LNX1: variants seen among roughly 807,000 people sequenced by gnomAD.
LNX1 encodes the protein E3 ubiquitin-protein ligase LNX.
In LNX1, 54 loss-of-function variants were observed where a neutral mutation model predicts 68.4. The ratio of observed to expected loss-of-function variants is 0.79; its 90% CI spans 0.63 to 0.99. LNX1 has a LOEUF of 0.99. Among genes scored for constraint, LNX1 ranks in the 50% least tolerant of loss-of-function variants. The probability of loss-of-function intolerance (pLI) is 0.00; values close to 1 mark genes in which losing one functional copy is unlikely to be tolerated. For missense variants in LNX1, 906 were observed against 926.4 expected (o/e 0.98, Z 0.29); for synonymous variants, 336 against 350.0 (o/e 0.96, Z 0.45).
At chr4:53,527,530 T>G (rs1461146115) in intron 2 of LNX1, among the ~76,000 whole-genome samples, 1 of 152,196 alleles carries the variant, frequency 6.6e-6, no homozygotes, top group Non-Finnish European at 1.5e-5. Context: ...ACTCCTTGGC[T>G]CCACTGGTTC....
intron 1 of LNX1, among the ~76,000 whole-genome samples, chr4:53,578,769 A>G (rs1731650501): frequency 6.6e-6 from 1 of 152,212 alleles, no homozygotes; most frequent in South Asian, 2.1e-4. Flanking sequence ...TGGATAAACC[A>G]AATTCTTAAT....
chr4:53,503,879 A>C (rs1476127772), intron 4 of LNX1, among the ~76,000 whole-genome samples: 3 of 152,196 alleles, frequency 2.0e-5, no homozygotes, highest in Admixed American at 2.0e-4. Context: ...CACACCTGTA[A>C]TCCTAGCACT....
At chr4:53,602,202 G>C (rs1301101355) in intron 2 of LNX1, among the ~76,000 whole-genome samples, 1 of 152,148 alleles carries the variant, frequency 6.6e-6, no homozygotes, top group Non-Finnish European at 1.5e-5. Context: ...CCAAATCTGT[G>C]ACCTTGACAT....
At chr4:53,552,168 G>A (rs763488982) in intron 2 of LNX1, among the ~76,000 whole-genome samples, 3 of 152,146 alleles carry the variant, frequency 2.0e-5, no homozygotes, top group Non-Finnish European at 2.9e-5. Flanking sequence ...GCAGCTAGTG[G>A]CACCAGTTTC....
intron 4 of LNX1, chr4:53,500,132 G>A (rs902912704): frequency 6.6e-6 from 1 of 152,244 alleles, no homozygotes; most frequent in Non-Finnish European, 1.5e-5. Context: ...AGCCAGGTCA[G>A]AACCCAGAGT....
At chr4:53,467,958 AG>A (rs1473157759) in intron 9 of LNX1, among the ~76,000 whole-genome samples, 2 of 152,250 alleles carry the variant, frequency 1.3e-5, no homozygotes, top group Non-Finnish European at 2.9e-5. Flanking sequence ...CTAGCAAGGC[AG>A]GCCAACATTC....
At chr4:53,515,604 TG>T (rs1726714776) in intron 2 of LNX1, among the ~76,000 whole-genome samples, 2 of 152,204 alleles carry the variant, frequency 1.3e-5, no homozygotes, top group Non-Finnish European at 2.9e-5. Flanking sequence ...TGATTTTATT[TG>T]CTTTGAGTTT....
intron 1 of LNX1, among the ~76,000 whole-genome samples, chr4:53,622,893 T>C (rs1256644257): frequency 6.6e-6 from 1 of 152,238 alleles, no homozygotes; most frequent in Non-Finnish European, 1.5e-5. Context: ...TCTTTCACAA[T>C]ATTATTTCTC....
chr4:53,599,534 C>G (rs1314165083), intron 2 of LNX1, among the ~76,000 whole-genome samples: 1 of 152,210 alleles, frequency 6.6e-6, no homozygotes, highest in Non-Finnish European at 1.5e-5. Flanking sequence ...TTTTATTCCT[C>G]TACTTTCTTA....
chr4:53,592,587 A>AT (rs1376184630), upstream of LNX1, among the ~76,000 whole-genome samples: 2 of 152,038 alleles, frequency 1.3e-5, no homozygotes, highest in African/African-American at 2.4e-5. Flanking sequence ...CCCAGAGAGA[A>AT]TTTTTTTTCC....
intron 2 of LNX1, chr4:53,603,774 A>G (rs1733115554): frequency 6.6e-6 from 1 of 152,178 alleles, no homozygotes; most frequent in African/African-American, 2.4e-5. Context: ...ATCACCTCCC[A>G]CCAGGCCCCA....
chr4:53,614,502 G>A (rs1733613449), intron 2 of LNX1, among the ~76,000 whole-genome samples: 2 of 152,096 alleles, frequency 1.3e-5, no homozygotes, highest in Admixed American at 1.3e-4. Context: ...GGCCTGTTAG[G>A]CAGATTTTCT....
At chr4:53,501,299 T>G (rs58628142) in intron 4 of LNX1, among the ~76,000 whole-genome samples, 12,755 of 38,596 alleles carry the variant, frequency 0.33, 1,625 homozygotes, top group South Asian at 0.53. Flanking sequence ...TTTTTTTTTT[T>G]GGGGGTGGGG....
At position 53,573,813 on chromosome 4, in the gene LNX1, A is replaced by C; in HGVS notation, c.190T>G (p.Cys64Gly). Residue 64 changes from cysteine to glycine, a missense_variant, in exon 2 of 11, where the codon TGC becomes GGC. Physicochemically the swap from Cys to Gly is radical, Grantham distance 159. Coordinates refer to ENST00000263925, the MANE Select transcript of LNX1 (RefSeq NM_001126328.3). ...TPCGHTYCTL[C>G]LTNFLVEKDF... Reference sequence around the variant, plus strand: ...TTCTCCACCAGGAAGTTGGTGAGGCAGAGGGTGCAGTAGGTGTGTCCACAC... The same window carrying C: ...TTCTCCACCAGGAAGTTGGTGAGGCCGAGGGTGCAGTAGGTGTGTCCACAC... 1.2e-6 allele frequency: 2 copies of C among 1,613,398 alleles called. No homozygotes were observed. The highest frequency in any genetic ancestry group is 1.7e-6 in the Non-Finnish European group (2 of 1,179,716).
chr4:53,475,614 T>C (rs1723512282), intron 9 of LNX1, among the ~76,000 whole-genome samples: 1 of 152,262 alleles, frequency 6.6e-6, no homozygotes, highest in South Asian at 2.1e-4. Context: ...TATGCTAGTA[T>C]ATCTTCAGTG....
intron 1 of LNX1, among the ~76,000 whole-genome samples, chr4:53,642,895 G>C (rs1734741062): frequency 6.6e-6 from 1 of 152,150 alleles, no homozygotes; most frequent in African/African-American, 2.4e-5. Context: ...TGGTCGCCTG[G>C]GTGTAACTTT....
intron 6 of LNX1, among the ~76,000 whole-genome samples, chr4:53,492,336 G>A (rs1461798274): frequency 6.6e-6 from 1 of 152,144 alleles, no homozygotes; most frequent in Non-Finnish European, 1.5e-5. Context: ...TGCTTGAAGA[G>A]CACCAAGAAG....
intron 2 of LNX1, among the ~76,000 whole-genome samples, chr4:53,549,156 C>A (rs1283941302): frequency 6.6e-6 from 1 of 152,020 alleles, no homozygotes; most frequent in African/African-American, 2.4e-5. Context: ...ATGTACCCCC[C>A]AAATCTAAAA....
chr4:53,584,370 A>G (rs963698392), intron 1 of LNX1, among the ~76,000 whole-genome samples: 1 of 152,176 alleles, frequency 6.6e-6, no homozygotes, highest in Non-Finnish European at 1.5e-5. Context: ...TAATTATGAA[A>G]ACAGAGTTTA....
Sources: allele counts gnomAD v4.1 joint callset (sites outside exome capture counted in the v4.1 genomes callset), GRCh38; gene constraint gnomAD v4.1.1; transcripts MANE v1.5; gene names NCBI Gene and HGNC (gene_info 2026-07-23, HGNC 2026-07-21).